The following CSMD1 variants were observed in gnomAD, a reference collection of about 807,000 sequenced individuals.
The protein encoded by CSMD1 is CUB and sushi domain-containing protein 1.
A neutral mutation model predicts 417.5 loss-of-function variants in CSMD1; 213 were observed. That is an observed-to-expected ratio of 0.51 (90% CI 0.46 to 0.57). The LOEUF (loss-of-function observed/expected upper bound fraction) is 0.57, where lower values mean the gene tolerates loss of function less well. Among genes scored for constraint, CSMD1 ranks in the 20% least tolerant of loss-of-function variants. The pLI is 0.00. For missense variants in CSMD1, 6,923 were observed against 4,529.7 expected (o/e 1.53, Z -15.17); for synonymous variants, 2,862 against 1,736.8 (o/e 1.65, Z -16.11).
intron 2 of CSMD1, among the ~76,000 whole-genome samples, chr8:4,458,156 G>C (rs892468404): frequency 1.3e-5 from 2 of 152,196 alleles, no homozygotes; most frequent in East Asian, 3.9e-4. Context: ...GCTGTCTTGA[G>C]TGGATGCTGA....
chr8:3,838,915 G>A (rs1240381792), intron 5 of CSMD1, among the ~76,000 whole-genome samples: 2 of 101,696 alleles, frequency 2.0e-5, no homozygotes, highest in Admixed American at 1.1e-4. Flanking sequence ...CTCTAGATAT[G>A]TATAGTCTCT....
intron 3 of CSMD1, among the ~76,000 whole-genome samples, chr8:4,110,636 AG>A (rs368300078): frequency 2.0e-4 from 31 of 152,166 alleles, no homozygotes; most frequent in African/African-American, 6.5e-4. Flanking sequence ...TGATATATAC[AG>A]GTGTGTGTGT....
At chr8:4,205,381 T>G (rs1038583357) in intron 3 of CSMD1, among the ~76,000 whole-genome samples, 1 of 152,212 alleles carries the variant, frequency 6.6e-6, no homozygotes, top group Non-Finnish European at 1.5e-5. Flanking sequence ...TGTGAACAAT[T>G]TTTTAGCCTT....
chr8:4,378,097 A>C (rs1430634034), intron 3 of CSMD1, among the ~76,000 whole-genome samples: 1 of 152,208 alleles, frequency 6.6e-6, no homozygotes, highest in Non-Finnish European at 1.5e-5. Context: ...GTAGATGCAA[A>C]ACACAGAAGC....
intron 5 of CSMD1, among the ~76,000 whole-genome samples, chr8:3,850,941 C>G (rs971944608): frequency 6.6e-6 from 1 of 152,116 alleles, no homozygotes; most frequent in Non-Finnish European, 1.5e-5. Flanking sequence ...AGAATTACTT[C>G]TTTTAACTTG....
intron 2 of CSMD1, among the ~76,000 whole-genome samples, chr8:4,560,613 C>A (rs1426440822): frequency 6.6e-6 from 1 of 152,222 alleles, no homozygotes; most frequent in Non-Finnish European, 1.5e-5. Flanking sequence ...AAAGCCTTCT[C>A]CCACGGTTTA....
At chr8:3,331,649 C>T (rs1326157635) in intron 23 of CSMD1, among the ~76,000 whole-genome samples, 2 of 152,190 alleles carry the variant, frequency 1.3e-5, no homozygotes, top group East Asian at 1.9e-4. Flanking sequence ...GGTCAGTGCT[C>T]ATTGATATAT....
Position 4,637,368 on chromosome 8 carries a change from C to G in CSMD1, c.276G>C (p.Gln92His). 1 of 1,613,864 alleles carries G rather than the reference C, an allele frequency of 6.2e-7. No homozygotes were observed. Among genetic ancestry groups the G allele is most frequent in the Admixed American group, 1.7e-5 (1 of 60,032 alleles). The change falls in exon 2 of 70, where the codon CAG (glutamine) becomes CAC (histidine). Residue 92 changes from glutamine to histidine, a missense_variant. Gln to His is a conservative substitution (Grantham distance 24). Coordinates refer to ENST00000635120, the MANE Select transcript of CSMD1 (RefSeq NM_033225.6). ...TCACTTTTAAATTCCCTTGTTGAGG[C>G]TGTCCATCGTAAACTGATAAAATAT... ...DFDILSVYDG[Q>H]PQQGNLKVRL...
intron 2 of CSMD1, among the ~76,000 whole-genome samples, chr8:4,563,464 G>A (rs181787996): frequency 3.3e-5 from 5 of 152,152 alleles, no homozygotes; most frequent in Admixed American, 2.0e-4. Context: ...ATTCAACAAT[G>A]CCAAGGCACA....
intron 3 of CSMD1, among the ~76,000 whole-genome samples, chr8:4,207,822 G>T (rs373151922): frequency 2.0e-5 from 3 of 152,122 alleles, no homozygotes; most frequent in African/African-American, 7.2e-5. Flanking sequence ...TGTTGAAACA[G>T]ATGCAACCTC....
chr8:4,213,853 G>A (rs1373753134), intron 3 of CSMD1, among the ~76,000 whole-genome samples: 1 of 152,204 alleles, frequency 6.6e-6, no homozygotes, highest in Non-Finnish European at 1.5e-5. Flanking sequence ...CAGTGTTTAG[G>A]CTGAGAATCA....
At chr8:3,831,203 A>G (rs1802357992) in intron 5 of CSMD1, among the ~76,000 whole-genome samples, 2 of 152,208 alleles carry the variant, frequency 1.3e-5, no homozygotes, top group African/African-American at 4.8e-5. Context: ...TAGATTTTTC[A>G]CAAAAGCATG....
intron 1 of CSMD1, among the ~76,000 whole-genome samples, chr8:4,660,764 T>C (rs1221127555): frequency 6.6e-6 from 1 of 151,924 alleles, no homozygotes; most frequent in African/African-American, 2.4e-5. Context: ...TAAAGAACTC[T>C]CAAAACTCAG....
chr8:3,142,777 C>T, intron 40 of CSMD1, 103 bp from the exon 41 acceptor site: 1 of 984,234 alleles, frequency 1.0e-6, no homozygotes, highest in Non-Finnish European at 1.6e-6. Context: ...CAGACAATCC[C>T]TCTCTGTGAG....
rs116641616 is a variant in CSMD1, at chr8:3,791,275, C to T, written c.819-37233G>A. ...TTATATCCAAAGCATGTATGATAAA[C>T]TTGCTCTAATTAATGAACATAAATT... On this transcript the variant is annotated intron_variant, in intron 5 of 69. Coordinates refer to ENST00000635120, the MANE Select transcript of CSMD1 (RefSeq NM_033225.6). Among the ~76,000 whole-genome samples, 825 of 152,236 alleles carry T rather than the reference C, an allele frequency of 5.4e-3. 7 individuals are homozygous for T. Among genetic ancestry groups the T allele is most frequent in the African/African-American group, 0.017 (705 of 41,550 alleles).
chr8:3,292,194 G>C (rs1034685132), intron 25 of CSMD1, among the ~76,000 whole-genome samples: 3 of 152,198 alleles, frequency 2.0e-5, no homozygotes, highest in Non-Finnish European at 4.4e-5. Context: ...CTGAGAGACA[G>C]TTTGTTGTAA....
intron 1 of CSMD1, among the ~76,000 whole-genome samples, chr8:4,886,502 A>C (rs1803749692): frequency 6.6e-6 from 1 of 151,992 alleles, no homozygotes; most frequent in Non-Finnish European, 1.5e-5. Flanking sequence ...TCAAATTTCT[A>C]CTGACCTTGT....
chr8:3,985,095 G>C (rs1004609148), intron 5 of CSMD1, among the ~76,000 whole-genome samples: 1 of 152,034 alleles, frequency 6.6e-6, no homozygotes, highest in East Asian at 1.9e-4. Context: ...GTTACTTAGG[G>C]GGGACTTGTC....
intron 37 of CSMD1, among the ~76,000 whole-genome samples, chr8:3,162,577 T>G (rs1308205173): frequency 6.6e-6 from 1 of 152,184 alleles, no homozygotes; most frequent in African/African-American, 2.4e-5. Context: ...ATATACATAT[T>G]GTAAAAAGTC....
Sources: gnomAD v4.1 joint callset for allele counts (sites outside exome capture counted in the v4.1 genomes callset) on GRCh38, gnomAD v4.1.1 for gene constraint, MANE v1.5 for transcripts, NCBI Gene and HGNC (gene_info 2026-07-23, HGNC 2026-07-21) for gene names.